GPC5: variants seen among roughly 807,000 people sequenced by gnomAD.
The protein encoded by GPC5 is glypican-5.
A neutral mutation model predicts 53.9 loss-of-function variants in GPC5; 47 were observed. That is an observed-to-expected ratio of 0.87 (90% CI 0.69 to 1.11). The LOEUF (loss-of-function observed/expected upper bound fraction) is 1.11, where lower values mean the gene tolerates loss of function less well. GPC5 is among the 50% of genes most tolerant of loss of function. The pLI is 0.00. For missense variants in GPC5, 748 were observed against 713.1 expected (o/e 1.05, Z -0.56); for synonymous variants, 286 against 263.3 (o/e 1.09, Z -0.84).
Position 92,351,809 on chromosome 13 carries a change from T to C in GPC5, c.1561+206820T>C, listed in dbSNP as rs553171395. Among the ~76,000 whole-genome samples, 5 of 152,166 alleles carry C rather than the reference T, an allele frequency of 3.3e-5. No individual in the cohort carries two copies. The South Asian group carries it at 8.3e-4, about 25-fold the overall frequency. On this transcript the variant is annotated intron_variant, in intron 7 of 7. Transcript: ENST00000377067. ...AAGAATAAATATATGATGTAAAAAA[T>C]ACAGAGAAAATGATACGAATTAGAG...
chr13:92,298,871 T>C (rs2043056582), intron 7 of GPC5, among the ~76,000 whole-genome samples: 1 of 152,212 alleles, frequency 6.6e-6, no homozygotes. Context: ...GATGAGATCA[T>C]TATTTTTATT....
chr13:91,492,299 A>C (rs1294045940), intron 2 of GPC5, among the ~76,000 whole-genome samples: 1 of 152,198 alleles, frequency 6.6e-6, no homozygotes, highest in Non-Finnish European at 1.5e-5. Context: ...AGCTGTATAA[A>C]TGAGATTTAT....
intron 6 of GPC5, among the ~76,000 whole-genome samples, chr13:91,997,548 T>G (rs1317546021): frequency 6.6e-6 from 1 of 152,186 alleles, no homozygotes; most frequent in East Asian, 1.9e-4. Flanking sequence ...AGACAGAGTC[T>G]CGCTCTGTCA....
chr13:91,621,508 A>G (rs1265244449), intron 2 of GPC5, among the ~76,000 whole-genome samples: 2 of 151,920 alleles, frequency 1.3e-5, no homozygotes, highest in Non-Finnish European at 2.9e-5. Flanking sequence ...GGAATAGCAA[A>G]GCTCTCTTTC....
At chr13:91,795,985 G>T (rs192924262) in intron 5 of GPC5, among the ~76,000 whole-genome samples, 1 of 152,052 alleles carries the variant, frequency 6.6e-6, no homozygotes, top group African/African-American at 2.4e-5. Flanking sequence ...TTTTGTTACC[G>T]GGGGTCTTTG....
chr13:91,899,217 G>A (rs1359298495), intron 5 of GPC5, among the ~76,000 whole-genome samples: 3 of 152,040 alleles, frequency 2.0e-5, no homozygotes, highest in African/African-American at 7.2e-5. Context: ...GTTTGTGTGT[G>A]TGAACTTAGA....
intron 5 of GPC5, among the ~76,000 whole-genome samples, chr13:91,788,874 TA>T (rs1173187198): frequency 6.6e-6 from 1 of 152,228 alleles, no homozygotes; most frequent in African/African-American, 2.4e-5. Context: ...TGTTAATTTT[TA>T]GATATTAATG....
At chr13:92,804,060 T>C (rs996994323) in intron 7 of GPC5, among the ~76,000 whole-genome samples, 16 of 151,934 alleles carry the variant, frequency 1.1e-4, no homozygotes, top group African/African-American at 3.9e-4. Flanking sequence ...GGCACAAAGA[T>C]TTTCTCTAAT....
chr13:92,518,422 A>G (rs1394643905), intron 7 of GPC5, among the ~76,000 whole-genome samples: 4 of 152,168 alleles, frequency 2.6e-5, no homozygotes, highest in Non-Finnish European at 4.4e-5. Flanking sequence ...GACTAACAGC[A>G]GATCTCTCGG....
At chr13:91,609,144 A>G (rs1409689986) in intron 2 of GPC5, among the ~76,000 whole-genome samples, 1 of 150,594 alleles carries the variant, frequency 6.6e-6, no homozygotes, top group East Asian at 2.0e-4. Flanking sequence ...AGGTTCTATC[A>G]CTGCAAATTC....
chr13:92,564,615 C>T lies in GPC5; in HGVS notation c.1562-301667C>T, dbSNP rs143567545. ...TTGAAGTTTGGGATACAAATGTTAC[C>T]GTCACCCAGGTAGTGAGCAGAGTAC... On this transcript the variant is annotated intron_variant, in intron 7 of 7. Transcript: ENST00000377067. Among the ~76,000 whole-genome samples, 678 of 151,850 alleles carry T rather than the reference C, an allele frequency of 4.5e-3. 6 individuals carry two copies. The highest frequency in any genetic ancestry group is 0.015 in the African/African-American group (630 of 41,440).
intron 7 of GPC5, among the ~76,000 whole-genome samples, chr13:92,739,725 AAAAG>A (rs1249942538): frequency 2.7e-5 from 4 of 147,378 alleles, no homozygotes; most frequent in Non-Finnish European, 5.9e-5. Context: ...AAAAGAAAAA[AAAAG>A]AGAGAGAGAG....
At chr13:92,311,109 A>C (rs1252974720) in intron 7 of GPC5, among the ~76,000 whole-genome samples, 7 of 152,240 alleles carry the variant, frequency 4.6e-5, no homozygotes, top group African/African-American at 1.7e-4. Flanking sequence ...GAAAAACAAG[A>C]AAAACAAAAA....
At chr13:91,948,758 G>A (rs1241185170) in intron 6 of GPC5, among the ~76,000 whole-genome samples, 3 of 152,130 alleles carry the variant, frequency 2.0e-5, no homozygotes, top group Non-Finnish European at 4.4e-5. Context: ...TAACAAACTG[G>A]GTTATATTGG....
At chr13:92,301,055 A>G (rs2139197419) in intron 7 of GPC5, among the ~76,000 whole-genome samples, 1 of 152,346 alleles carries the variant, frequency 6.6e-6, no homozygotes, top group African/African-American at 2.4e-5. Context: ...CTAGTAGCAC[A>G]TAGTATGTAA....
intron 6 of GPC5, among the ~76,000 whole-genome samples, chr13:91,915,848 C>T (rs1230764955): frequency 6.6e-6 from 1 of 152,020 alleles, no homozygotes; most frequent in Non-Finnish European, 1.5e-5. Flanking sequence ...GGTAAGTGTT[C>T]AGCATTTTAA....
At chr13:92,593,736 T>C (rs1380488097) in intron 7 of GPC5, among the ~76,000 whole-genome samples, 3 of 152,162 alleles carry the variant, frequency 2.0e-5, no homozygotes, top group Non-Finnish European at 4.4e-5. Context: ...ATAGTGTATG[T>C]GTCTAAGAAG....
At chr13:92,238,184 T>C (rs915292220) in intron 7 of GPC5, among the ~76,000 whole-genome samples, 7 of 151,986 alleles carry the variant, frequency 4.6e-5, no homozygotes. Context: ...ATATAGCTAG[T>C]AGAATTTTTG....
At chr13:91,799,850 C>T (rs924076455) in intron 5 of GPC5, among the ~76,000 whole-genome samples, 16 of 152,220 alleles carry the variant, frequency 1.1e-4, no homozygotes, top group African/African-American at 3.9e-4. Flanking sequence ...CAAACACAAA[C>T]ATGAATATTA....
Sources: allele counts gnomAD v4.1 joint callset (sites outside exome capture counted in the v4.1 genomes callset), GRCh38; gene constraint gnomAD v4.1.1; transcripts MANE v1.5; gene names NCBI Gene and HGNC (gene_info 2026-07-23, HGNC 2026-07-21).